The following PLD5 variants were observed in gnomAD, a reference collection of about 807,000 sequenced individuals.
PLD5 encodes inactive phospholipase D5.
PLD5 carries 36 observed loss-of-function variants against 61.1 expected under a neutral mutation model. The observed-to-expected ratio is 0.59, with a 90% CI of 0.45 to 0.78. The LOEUF (loss-of-function observed/expected upper bound fraction) is 0.78, where lower values mean the gene tolerates loss of function less well. PLD5 is among the 30% of genes least tolerant of loss of function. The probability of loss-of-function intolerance (pLI) is 0.00; values close to 1 mark genes in which losing one functional copy is unlikely to be tolerated. For missense variants in PLD5, 515 were observed against 644.4 expected, an observed-to-expected ratio of 0.80 and a Z score of 2.17; for synonymous variants, 243 against 242.8, an observed-to-expected ratio of 1.00 and a Z score of -0.01.
intron 2 of PLD5, among the ~76,000 whole-genome samples, chr1:242,341,362 T>C (rs1302653868): frequency 1.3e-5 from 2 of 152,234 alleles, no homozygotes; most frequent in Non-Finnish European, 2.9e-5. Context: ...TGTCATATAT[T>C]GATGAACCAA....
chr1:242,150,025 T>C (rs1664818719), intron 5 of PLD5, among the ~76,000 whole-genome samples: 1 of 151,818 alleles, frequency 6.6e-6, no homozygotes, highest in Non-Finnish European at 1.5e-5. Context: ...ATTTTTGATA[T>C]GCTCTATTTT....
chr1:242,483,868 C>T (rs1386034216), intron 1 of PLD5, among the ~76,000 whole-genome samples: 3 of 151,900 alleles, frequency 2.0e-5, no homozygotes. Flanking sequence ...TCTCTCAGAC[C>T]ACAGTGCAAT....
At chr1:242,529,412 A>G (rs961583291), upstream of PLD5, among the ~76,000 whole-genome samples, 4 of 152,102 alleles carry the variant, frequency 2.6e-5, no homozygotes, top group Admixed American at 2.6e-4. Flanking sequence ...CCTCAGAGGC[A>G]TTATATCACT....
At chr1:242,503,338 C>T (rs1422776086) in intron 1 of PLD5, among the ~76,000 whole-genome samples, 2 of 152,170 alleles carry the variant, frequency 1.3e-5, no homozygotes, top group Non-Finnish European at 2.9e-5. Context: ...TCCTGCCAGG[C>T]GTCGTCCTGC....
chr1:242,119,789 T>TA (rs1662226720), intron 6 of PLD5, among the ~76,000 whole-genome samples: 1 of 152,180 alleles, frequency 6.6e-6, no homozygotes, highest in African/African-American at 2.4e-5. Flanking sequence ...ATGTCCAACA[T>TA]AGAGTTACCA....
intron 1 of PLD5, among the ~76,000 whole-genome samples, chr1:242,448,796 G>A (rs891633450): frequency 2.6e-5 from 4 of 152,064 alleles, no homozygotes; most frequent in Admixed American, 6.5e-5. Context: ...TTCTTTCTTT[G>A]AAAACTTGGG....
At chr1:242,090,283 G>A (rs1000244691) in intron 9 of PLD5, among the ~76,000 whole-genome samples, 173 bp from the exon 10 acceptor site, 6 of 152,096 alleles carry the variant, frequency 3.9e-5, no homozygotes, top group Admixed American at 3.9e-4. Context: ...CCTTACATAT[G>A]GCATATTAAT....
rs574998488 is a variant in PLD5, at chr1:242,324,919, C to T, written c.326+23187G>A. ...CCTTGACCCAAACCAATCATCATTC[C>T]CCATTCCCTAGGCTCCTGCCTGCCT... On this transcript the variant is annotated intron_variant, in intron 2 of 9. Transcript: ENST00000536534. Among the ~76,000 whole-genome samples the T allele has an allele frequency of 1.2e-3, 189 of 152,274 alleles. 1 individual carries two copies. Among genetic ancestry groups the T allele is most frequent in the Middle Eastern group, 3.4e-3 (1 of 294 alleles).
At chr1:242,229,139 A>G (rs1233552199) in intron 4 of PLD5, among the ~76,000 whole-genome samples, 2 of 152,212 alleles carry the variant, frequency 1.3e-5, no homozygotes, top group African/African-American at 4.8e-5. Context: ...TCAAAGGCTG[A>G]AGATTCAAAA....
chr1:242,127,518 T>C (rs566144488), intron 5 of PLD5, among the ~76,000 whole-genome samples: 3 of 151,802 alleles, frequency 2.0e-5, no homozygotes, highest in Non-Finnish European at 2.9e-5. Context: ...CTGGATGGGA[T>C]TGGGGGCCTA....
At chr1:242,132,349 C>A (rs552129427) in intron 5 of PLD5, among the ~76,000 whole-genome samples, 1 of 152,022 alleles carries the variant, frequency 6.6e-6, no homozygotes, top group East Asian at 1.9e-4. Context: ...ACATTAGCAC[C>A]GTTCTTTGCT....
Position 242,327,185 on chromosome 1 carries a change from T to C in PLD5, c.326+20921A>G, listed in dbSNP as rs535854729. On this transcript the variant is annotated intron_variant, in intron 2 of 9. Transcript: ENST00000536534. ...TGGCGCTAATTTTTTTTTTTAATTG[T>C]TTGTAGAAACGGGGTCTCACTATGT... Among the ~76,000 whole-genome samples, 250 of 152,114 alleles carry C rather than the reference T, an allele frequency of 1.6e-3. 2 individuals carry two copies. Among genetic ancestry groups the C allele is most frequent in the African/African-American group, 5.7e-3 (237 of 41,498 alleles).
chr1:242,320,453 T>A (rs1405818700), intron 2 of PLD5, among the ~76,000 whole-genome samples: 1 of 152,168 alleles, frequency 6.6e-6, no homozygotes, highest in Non-Finnish European at 1.5e-5. Flanking sequence ...AAGGACACAC[T>A]CTGCTTTCAG....
chr1:242,270,421 C>T (rs189377364), intron 3 of PLD5, among the ~76,000 whole-genome samples: 1 of 152,324 alleles, frequency 6.6e-6, no homozygotes, highest in East Asian at 1.9e-4. Context: ...CTGATGACCA[C>T]ATGGCTTGCT....
intron 1 of PLD5, among the ~76,000 whole-genome samples, chr1:242,461,617 T>C (rs904531392): frequency 6.6e-6 from 1 of 152,234 alleles, no homozygotes; most frequent in East Asian, 1.9e-4. Context: ...ACTAATGGGA[T>C]TGCTGGGTTG....
chr1:242,197,716 C>T (rs1574496136), intron 5 of PLD5, among the ~76,000 whole-genome samples: 1 of 151,750 alleles, frequency 6.6e-6, no homozygotes, highest in African/African-American at 2.4e-5. Context: ...CTCACTGCAA[C>T]CTCCGCCTCT....
intron 8 of PLD5, among the ~76,000 whole-genome samples, chr1:242,102,749 G>A (rs764509014): frequency 2.5e-4 from 38 of 152,124 alleles, no homozygotes; most frequent in Non-Finnish European, 2.8e-4. Context: ...AGACATTAGG[G>A]CCATAAGCTT....
chr1:242,299,590 G>A (rs1366394917), intron 2 of PLD5, among the ~76,000 whole-genome samples: 1 of 152,176 alleles, frequency 6.6e-6, no homozygotes, highest in Non-Finnish European at 1.5e-5. Flanking sequence ...AAAATATCCA[G>A]GCAGAGGGAC....
At chr1:242,466,291 C>G (rs990896840) in intron 1 of PLD5, among the ~76,000 whole-genome samples, 5 of 152,014 alleles carry the variant, frequency 3.3e-5, no homozygotes, top group African/African-American at 1.2e-4. Context: ...CGCTGGCATA[C>G]AGGAGATATT....
Sources: gnomAD v4.1 joint callset for allele counts (sites outside exome capture counted in the v4.1 genomes callset) on GRCh38, gnomAD v4.1.1 for gene constraint, MANE v1.5 for transcripts, NCBI Gene and HGNC (gene_info 2026-07-23, HGNC 2026-07-21) for gene names.